Variants in ZNF45 observed in about 807,000 individuals in gnomAD.
ZNF45 encodes the protein zinc finger protein 45.
ZNF45 carries 4 observed loss-of-function variants against 12.0 expected under a neutral mutation model. That is an observed-to-expected ratio of 0.33 (90% CI 0.16 to 0.76). The LOEUF (loss-of-function observed/expected upper bound fraction) is 0.76, where lower values mean the gene tolerates loss of function less well. Ranked by LOEUF, ZNF45 falls within the 30% of genes least tolerant of loss-of-function variation. The probability of loss-of-function intolerance (pLI) is 0.60; values close to 1 mark genes in which losing one functional copy is unlikely to be tolerated. For missense variants in ZNF45, 700 were observed against 813.0 expected (o/e 0.86, Z 1.69); for synonymous variants, 272 against 279.6 (o/e 0.97, Z 0.27).
chr19:43,930,433 T>C (rs1974038291), intron 3 of ZNF45, among the ~76,000 whole-genome samples: 2 of 152,156 alleles, frequency 1.3e-5, no homozygotes, highest in African/African-American at 4.8e-5. Flanking sequence ...AAGTTCAAGC[T>C]CATAGAAGTA....
intron 9 of ZNF45, among the ~76,000 whole-genome samples, chr19:43,915,477 C>T (rs556283715): frequency 6.6e-6 from 1 of 152,338 alleles, no homozygotes; most frequent in East Asian, 1.9e-4. Flanking sequence ...TAGAAAGACA[C>T]ATTTTTCAGA....
Position 43,914,566 on chromosome 19 carries a change from A to T in ZNF45, c.870T>A (p.Tyr290Ter). ...TGTGAACTTTCAGATGAACTTGAAG[A>T]TATGATCTCTGACTGAAGCCCACCC... The part of the protein sequence containing the change: ...ECGVGFSQRS[Y>*]LQVHLKVHTG... The change falls in exon 10 of 10, where the codon TAT becomes TAA. Residue 290 changes from tyrosine to a stop codon, truncating the protein, a stop_gained. Coordinates refer to ENST00000269973, the MANE Select transcript of ZNF45 (RefSeq NM_003425.4). LOFTEE classifies it low-confidence loss of function (END_TRUNC). 6.2e-7 allele frequency: 1 copy of T among 1,612,376 alleles called. No homozygotes were observed.
intron 6 of ZNF45, 62 bp from the exon 7 acceptor site, chr19:43,922,279 A>C: frequency 8.4e-7 from 1 of 1,189,150 alleles, no homozygotes; most frequent in Non-Finnish European, 1.2e-6. Flanking sequence ...TTGGCCAAAA[A>C]AAAAACCATA....
Position 43,919,576 on chromosome 19 carries a change from C to T in ZNF45, c.139G>A (p.Val47Met). 12 of 1,611,934 alleles carry T rather than the reference C, an allele frequency of 7.4e-6. No homozygotes were observed. The highest frequency in any genetic ancestry group is 1.3e-5 in the African/African-American group (1 of 74,956). Residue 47 changes from valine to methionine, a missense_variant, in exon 8 of 10, where the codon GTG (valine) becomes ATG (methionine). By Grantham distance (21) the Val-to-Met change is conservative. Transcript: ENST00000269973. ...GTCAGAGAATGCCTGTCCTCACCCACTGAGACCACATTCCTGAAGTTCTCC... is the reference window on the plus strand; with the variant it reads ...GTCAGAGAATGCCTGTCCTCACCCATTGAGACCACATTCCTGAAGTTCTCC... ...MLENFRNVVS[V>M]GHQSTPDGLP...
chr19:43,925,821 TGA>T (rs1472201431), intron 3 of ZNF45, among the ~76,000 whole-genome samples: 2 of 152,154 alleles, frequency 1.3e-5, no homozygotes, highest in Non-Finnish European at 2.9e-5. Context: ...TTAGTACAGA[TGA>T]GGTTTCACTA....
intron 9 of ZNF45, 27 bp from the exon 10 acceptor site, chr19:43,915,227 T>C (rs1490204825): frequency 1.4e-6 from 2 of 1,470,372 alleles, no homozygotes; most frequent in Admixed American, 2.3e-5. Flanking sequence ...AATGTGGAGA[T>C]GGGGCATGTG....
chr19:43,913,227 C>T lies in ZNF45; in HGVS notation c.*160G>A. 1 of 705,948 alleles carries T rather than the reference C, an allele frequency of 1.4e-6. No homozygotes were observed. The highest frequency in any genetic ancestry group is 2.2e-6 in the Non-Finnish European group (1 of 450,300). 43.7% of individuals were successfully genotyped at this position (705,948 alleles called of 1,614,324 possible). A position where few individuals can be genotyped will look rare whatever the true frequency, so the allele number is the denominator to read the frequency against. ...CATGTATCAGCTAATGGTCAATGTT[C>T]TGAATGCAGTCCATATGTCTCCACT... On this transcript the variant is annotated 3_prime_UTR_variant, in exon 10 of 10. Coordinates refer to ENST00000269973, the MANE Select transcript of ZNF45 (RefSeq NM_003425.4).
chr19:43,929,648 G>A (rs185798487), intron 3 of ZNF45, among the ~76,000 whole-genome samples: 2 of 152,196 alleles, frequency 1.3e-5, no homozygotes, highest in East Asian at 1.9e-4. Context: ...TCACTCAGCC[G>A]CTTTTATAAA....
intron 3 of ZNF45, among the ~76,000 whole-genome samples, chr19:43,928,471 A>G (rs899330061): frequency 1.3e-5 from 2 of 152,152 alleles, no homozygotes; most frequent in Admixed American, 1.3e-4. Flanking sequence ...CCCCCATGAC[A>G]CAAGTTTACC....
In ZNF45 at chr19:43,934,447, G is replaced by A. The variant is rs1974364642; in HGVS notation, c.-508C>T. On this transcript the variant is annotated 5_prime_UTR_variant, in exon 2 of 10. Transcript: ENST00000269973. The stretch of plus-strand genomic sequence containing the variant: ...ATACCTTCTCGCACTCGGAACAGAA[G>A]AGGAAGGTGAATGCTAGGTCCTGTC... 1.3e-5 allele frequency: 2 copies of A among 152,220 alleles called. No individual in the cohort carries two copies. The highest frequency in any genetic ancestry group is 1.5e-5 in the Non-Finnish European group (1 of 68,040). 9.4% of individuals were successfully genotyped at this position (152,220 alleles called of 1,614,324 possible).
At position 43,915,146 on chromosome 19, in the gene ZNF45, A is replaced by C; in HGVS notation, c.290T>G (p.Leu97Arg). 1.9e-6 allele frequency: 3 copies of C among 1,568,096 alleles called. No individual in the cohort carries two copies. The highest frequency in any genetic ancestry group is 2.6e-6 in the Non-Finnish European group (3 of 1,158,584). ...ETLQEVGLRY[L>R]PHEELFCSQI... The stretch of plus-strand genomic sequence containing the variant: ...GGAGCAGAAAAGCTCTTCATGAGGC[A>C]GGTACCTTAATCCTACTTCTTGAAG... The change falls in exon 10 of 10, where the codon CTG (leucine) becomes CGG (arginine). Residue 97 changes from leucine to arginine, a missense_variant. By Grantham distance (102) the Leu-to-Arg change is moderately radical. Coordinates refer to ENST00000269973, the MANE Select transcript of ZNF45 (RefSeq NM_003425.4).
At chr19:43,917,292 T>C (rs1270253744) in intron 9 of ZNF45, among the ~76,000 whole-genome samples, 1 of 152,220 alleles carries the variant, frequency 6.6e-6, no homozygotes, top group Non-Finnish European at 1.5e-5. Context: ...TTATTGTAAC[T>C]CATACTCAAA....
At chr19:43,920,641 C>T (rs1268252741) in intron 7 of ZNF45, among the ~76,000 whole-genome samples, 2 of 136,268 alleles carry the variant, frequency 1.5e-5, no homozygotes, top group East Asian at 2.2e-4. Context: ...TGCTCTGTTC[C>T]CCAGGCTGGA....
At chr19:43,930,354 G>T (rs1974026907) in intron 3 of ZNF45, among the ~76,000 whole-genome samples, 1 of 152,140 alleles carries the variant, frequency 6.6e-6, no homozygotes, top group Admixed American at 6.5e-5. Context: ...CAGCAGGTGG[G>T]GGAATCCCTC....
intron 9 of ZNF45, among the ~76,000 whole-genome samples, chr19:43,916,944 T>C (rs754678502): frequency 6.6e-6 from 1 of 152,176 alleles, no homozygotes; most frequent in Non-Finnish European, 1.5e-5. Flanking sequence ...ACTGATTGCT[T>C]CTAAAATTTT....
At chr19:43,930,140 G>GTTT (rs1974003760) in intron 3 of ZNF45, 1 of 152,240 alleles carries the variant, frequency 6.6e-6, no homozygotes. Flanking sequence ...GAAGGGTAGG[G>GTTT]GAAAAGGGGG....
intron 7 of ZNF45, among the ~76,000 whole-genome samples, chr19:43,920,989 G>A (rs1347896801): frequency 2.6e-5 from 4 of 152,158 alleles, no homozygotes; most frequent in Non-Finnish European, 4.4e-5. Flanking sequence ...GAATGACAGT[G>A]GTCATAGAGA....
chr19:43,918,754 A>T, intron 9 of ZNF45, 116 bp downstream of exon 9: 1 of 752,724 alleles, frequency 1.3e-6, no homozygotes, highest in Non-Finnish European at 2.2e-6. Flanking sequence ...TTAGATATTC[A>T]TCAGGGGGAA....
At position 43,913,959 on chromosome 19, in the gene ZNF45, TTC is replaced by T. The variant is rs1231286736; in HGVS notation, c.1475_1476del (p.Arg492AsnfsTer9). On this transcript the variant is annotated frameshift_variant, in exon 10 of 10. Transcript: ENST00000269973. LOFTEE classifies it low-confidence loss of function (END_TRUNC). ...SRSSDLNVHC[R>X]IHTGEKPYKC... ...TTATAGGGTTTCTCTCCTGTGTGGA[TTC>T]TACAGTGTACATTAAGATCTGAGCT... is the stretch of plus-strand genomic sequence containing the variant. 6.2e-6 allele frequency: 10 copies of T among 1,600,640 alleles called. No individual in the cohort carries two copies. Among genetic ancestry groups the T allele is most frequent in the Admixed American group, 3.4e-5 (2 of 59,034 alleles).
Sources: gnomAD v4.1 joint callset for allele counts (sites outside exome capture counted in the v4.1 genomes callset) on GRCh38, gnomAD v4.1.1 for gene constraint, MANE v1.5 for transcripts, NCBI Gene and HGNC (gene_info 2026-07-23, HGNC 2026-07-21) for gene names.